The following POMT2 variants were observed in gnomAD, a reference collection of about 807,000 sequenced individuals.
The protein encoded by POMT2 is protein O-mannosyl-transferase 2.
In POMT2, 75 loss-of-function variants were observed where a neutral mutation model predicts 100.0. The ratio of observed to expected loss-of-function variants is 0.75; its 90% CI spans 0.62 to 0.91. POMT2 has a LOEUF of 0.91. POMT2 is among the 40% of genes least tolerant of loss of function. POMT2 has a pLI of 0.00. For synonymous variants in POMT2, 378 were observed against 374.1 expected (o/e 1.01, Z -0.12); for missense variants, 940 against 955.1 (o/e 0.98, Z 0.21).
At chr14:77,311,674 C>A (rs2139517386) in intron 2 of POMT2, among the ~76,000 whole-genome samples, 1 of 152,342 alleles carries the variant, frequency 6.6e-6, no homozygotes, top group African/African-American at 2.4e-5. Context: ...AACCTCATCC[C>A]TTTTTATGAC....
intron 1 of POMT2, among the ~76,000 whole-genome samples, chr14:77,313,761 A>C (rs768682600): frequency 1.1e-4 from 16 of 152,154 alleles, no homozygotes; most frequent in Non-Finnish European, 2.1e-4. Context: ...AGGCTGGAGT[A>C]CATGGACACA....
chr14:77,286,983 A>G, intron 11 of POMT2, 161 bp from the exon 12 acceptor site: 1 of 1,410,878 alleles, frequency 7.1e-7, no homozygotes, highest in Non-Finnish European at 9.6e-7. Flanking sequence ...ATTTACTCAC[A>G]AGAAATATCC....
At chr14:77,295,862 T>C (rs1890810055) in intron 9 of POMT2, among the ~76,000 whole-genome samples, 1 of 151,850 alleles carries the variant, frequency 6.6e-6, no homozygotes, top group Admixed American at 6.6e-5. Context: ...CGGCGGGAAG[T>C]AAGCATGCAC....
chr14:77,287,422 CAA>C (rs1890465710), intron 11 of POMT2, among the ~76,000 whole-genome samples: 1 of 151,102 alleles, frequency 6.6e-6, no homozygotes, highest in African/African-American at 2.4e-5. Flanking sequence ...TTATTAATGA[CAA>C]ATGAAATTTA....
chr14:77,287,538 C>T (rs1407164910), intron 11 of POMT2: 1 of 101,910 alleles, frequency 9.8e-6, no homozygotes, highest in Non-Finnish European at 2.2e-5. Context: ...CTCTCTCTCT[C>T]TCTCTCTATA....
rs1227255812 is a variant in POMT2, at chr14:77,317,207, T to A, written c.248+3227A>T. Among the ~76,000 whole-genome samples, 3 of 152,192 alleles carry A rather than the reference T, an allele frequency of 2.0e-5. No homozygotes were observed. In the South Asian group the frequency reaches 6.2e-4, roughly 32 times the overall value. On this transcript the variant is annotated intron_variant, in intron 1 of 20. Coordinates refer to ENST00000261534, the MANE Select transcript of POMT2 (RefSeq NM_013382.7). ...TTGTCTTGCAGTAAAGGAAGCCACA[T>A]TGCAAGGGGCACTGACCACACCTGC...
chr14:77,306,523 C>T (rs964073792), intron 2 of POMT2, 82 bp from the exon 3 acceptor site: 3 of 1,520,164 alleles, frequency 2.0e-6, no homozygotes, highest in African/African-American at 1.4e-5. Flanking sequence ...TCCAGCTGCA[C>T]CCACAGACTT....
In POMT2 at chr14:77,306,325, A is replaced by T. The variant is rs2139500656; in HGVS notation, c.438+12T>A. Reference sequence around the variant, plus strand: ...GGGTTCAGTCAGTCCATTTCAAGTCAGGAAGCCTTACTCCTCTCATTCCCA... The same window carrying T: ...GGGTTCAGTCAGTCCATTTCAAGTCTGGAAGCCTTACTCCTCTCATTCCCA... On this transcript the variant is annotated intron_variant, in intron 3 of 20. Coordinates refer to ENST00000261534, the MANE Select transcript of POMT2 (RefSeq NM_013382.7). 9 of 1,611,448 alleles carry T rather than the reference A, an allele frequency of 5.6e-6. No homozygotes were observed. The Middle Eastern group carries it at 5.0e-4, about 89-fold the overall frequency.
intron 1 of POMT2, among the ~76,000 whole-genome samples, chr14:77,316,931 C>A (rs983440896): frequency 5.9e-5 from 9 of 152,156 alleles, no homozygotes; most frequent in Non-Finnish European, 2.9e-5. Context: ...TGGCTGCCTG[C>A]CAATAGGACA....
chr14:77,278,164 G>A (rs965418416), intron 20 of POMT2: 25 of 550,682 alleles, frequency 4.5e-5, no homozygotes, highest in African/African-American at 1.9e-4. Context: ...CTGAACCACC[G>A]GCAGAAGGGG....
At position 77,309,767 on chromosome 14, in the gene POMT2, C is replaced by T. The variant is rs548448582; in HGVS notation, c.333+2182G>A. ...GCACGATCTCAGCTCACTGCAACCT[C>T]TACCTCCCAGGTTCAAGCTGTTCTC... On this transcript the variant is annotated intron_variant, in intron 2 of 20. Transcript: ENST00000261534. Among the ~76,000 whole-genome samples, 455 of 152,300 alleles carry T rather than the reference C, an allele frequency of 3.0e-3. 3 individuals are homozygous for T. Among genetic ancestry groups the T allele is most frequent in the African/African-American group, 0.011 (439 of 41,536 alleles).
At chr14:77,308,246 C>G (rs1157210176) in intron 2 of POMT2, among the ~76,000 whole-genome samples, 1 of 151,154 alleles carries the variant, frequency 6.6e-6, no homozygotes, top group African/African-American at 2.4e-5. Context: ...TCATAGAAAA[C>G]AAAATACAAA....
chr14:77,298,775 T>C lies in POMT2; in HGVS notation c.924-4A>G, dbSNP rs752607741. ...GAAGAAACCGTCACCAGGGCCACTG[T>C]GGGGAGAGGAAGAGCAGAAGAGAGT... On this transcript the variant is annotated splice_region_variant and splice_polypyrimidine_tract_variant and intron_variant, in intron 7 of 20. Transcript: ENST00000261534. 1.7e-5 allele frequency: 28 copies of C among 1,611,414 alleles called. No individual in the cohort carries two copies. The highest frequency in any genetic ancestry group is 2.3e-5 in the Non-Finnish European group (27 of 1,178,820).
At chr14:77,295,613 C>T (rs907723137) in intron 9 of POMT2, among the ~76,000 whole-genome samples, 9 of 121,756 alleles carry the variant, frequency 7.4e-5, no homozygotes, top group Non-Finnish European at 1.4e-4. Flanking sequence ...GCCTGGGTGA[C>T]AGAGCAAGAC....
At chr14:77,298,031 A>T (rs1348176328) in intron 8 of POMT2, among the ~76,000 whole-genome samples, 2 of 152,186 alleles carry the variant, frequency 1.3e-5, no homozygotes, top group Non-Finnish European at 2.9e-5. Flanking sequence ...ATCTTCCAGT[A>T]GTTTTCTGCA....
intron 2 of POMT2, among the ~76,000 whole-genome samples, chr14:77,308,019 G>T (rs577669303): frequency 6.6e-6 from 1 of 151,642 alleles, no homozygotes; most frequent in Non-Finnish European, 1.5e-5. Flanking sequence ...CTGCCACCAC[G>T]CCCGGCTAAT....
intron 10 of POMT2, 29 bp downstream of exon 10, chr14:77,291,285 C>T (rs764402747): frequency 1.8e-5 from 29 of 1,606,482 alleles, no homozygotes; most frequent in Non-Finnish European, 2.4e-5. Context: ...AGTAACAGCA[C>T]AAGAAGCATC....
In POMT2 at chr14:77,283,890, C is replaced by A; in HGVS notation, c.1577-17G>T. 6.3e-7 allele frequency: 1 copy of A among 1,588,492 alleles called. No homozygotes were observed. Among genetic ancestry groups the A allele is most frequent in the Non-Finnish European group, 8.6e-7 (1 of 1,156,700 alleles). ...TGTTTGGCACTAGGGGAAAAAAATG[C>A]AGGAGAAAAGCCTTTGTCATACATT... On this transcript the variant is annotated splice_polypyrimidine_tract_variant and intron_variant, in intron 14 of 20. Coordinates refer to ENST00000261534, the MANE Select transcript of POMT2 (RefSeq NM_013382.7).
intron 1 of POMT2, among the ~76,000 whole-genome samples, chr14:77,317,577 T>C (rs1891678748): frequency 6.6e-6 from 1 of 152,244 alleles, no homozygotes; most frequent in Admixed American, 6.5e-5. Flanking sequence ...AAAAAGATTT[T>C]TGATTCTATG....
Sources: allele counts gnomAD v4.1 joint callset (sites outside exome capture counted in the v4.1 genomes callset), GRCh38; gene constraint gnomAD v4.1.1; transcripts MANE v1.5; gene names NCBI Gene and HGNC (gene_info 2026-07-23, HGNC 2026-07-21).